ATP6V1C2: variants seen among roughly 807,000 people sequenced by gnomAD.
ATP6V1C2 encodes the protein ATPase H+ transporting V1 subunit C2, also known as V-type proton ATPase subunit C 2.
Under a neutral mutation model 56.8 loss-of-function variants are expected in ATP6V1C2, and 45 were observed. The ratio of observed to expected loss-of-function variants is 0.79; its 90% confidence interval spans 0.62 to 1.02. The LOEUF is 1.02. Ranked by LOEUF, ATP6V1C2 falls within the 50% of genes least tolerant of loss-of-function variation. ATP6V1C2 has a pLI of 0.00. For missense variants in ATP6V1C2, 463 were observed against 519.7 expected, an observed-to-expected ratio of 0.89 and a Z score of 1.06; for synonymous variants, 220 against 201.3, an observed-to-expected ratio of 1.09 and a Z score of -0.79.
chr2:10,734,344 AAC>A (rs1227454879), intron 3 of ATP6V1C2, among the ~76,000 whole-genome samples: 9 of 152,054 alleles, frequency 5.9e-5, no homozygotes, highest in African/African-American at 2.2e-4. Flanking sequence ...TACCCTCTCT[AAC>A]ACACCCGGTG....
chr2:10,755,690 A>G (rs182202628), intron 4 of ATP6V1C2, among the ~76,000 whole-genome samples: 119 of 152,288 alleles, frequency 7.8e-4, no homozygotes, highest in Admixed American at 5.6e-3. Context: ...CACCTGGGCA[A>G]TTCTGCCTCC....
Position 10,784,396 on chromosome 2 carries a change from T to A in ATP6V1C2, c.*1133T>A, listed in dbSNP as rs1324497053. 6.3e-6 allele frequency: 8 copies of A among 1,279,584 alleles called. No homozygotes were observed. The highest frequency in any genetic ancestry group is 8.9e-6 in the Non-Finnish European group (8 of 895,932). The allele number at this position is 1,279,584 out of a possible 1,614,324, so 79.3% of individuals were successfully genotyped here. On this transcript the variant is annotated 3_prime_UTR_variant, in exon 14 of 14. Transcript: ENST00000272238. Reference sequence around the variant, plus strand: ...ACCCTGGAAGGTCAACATCTCATTTTATGGAAGAGCGACTCTCTGGAGCTA... The same window carrying A: ...ACCCTGGAAGGTCAACATCTCATTTAATGGAAGAGCGACTCTCTGGAGCTA...
At chr2:10,753,829 C>A in intron 3 of ATP6V1C2, 152 bp from the exon 4 acceptor site, 1 of 648,722 alleles carries the variant, frequency 1.5e-6, no homozygotes, top group Non-Finnish European at 2.7e-6. Context: ...CCACTGTGCC[C>A]GGCCGCTATT....
chr2:10,748,230 T>C (rs1663028541), intron 3 of ATP6V1C2, among the ~76,000 whole-genome samples: 1 of 152,110 alleles, frequency 6.6e-6, no homozygotes, highest in South Asian at 2.1e-4. Flanking sequence ...TTTTTAAGTG[T>C]TTAGGTCAGT....
chr2:10,732,690 A>G (rs1447488339), intron 3 of ATP6V1C2, among the ~76,000 whole-genome samples: 1 of 152,036 alleles, frequency 6.6e-6, no homozygotes, highest in Non-Finnish European at 1.5e-5. Context: ...AAAGAAATGA[A>G]GGCCAGGCGC....
At chr2:10,728,781 A>G (rs1378565665) in intron 3 of ATP6V1C2, among the ~76,000 whole-genome samples, 1 of 151,448 alleles carries the variant, frequency 6.6e-6, no homozygotes, top group East Asian at 1.9e-4. Flanking sequence ...TCTCAAAAAA[A>G]AAAAAAAAAA....
At chr2:10,772,399 T>G in intron 7 of ATP6V1C2, 143 bp from the exon 8 acceptor site, 1 of 748,222 alleles carries the variant, frequency 1.3e-6, no homozygotes. Context: ...ACAGCAGACC[T>G]CAGGGGAGGT....
chr2:10,772,482 C>A, intron 7 of ATP6V1C2, 60 bp from the exon 8 acceptor site: 1 of 1,439,244 alleles, frequency 6.9e-7, no homozygotes, highest in Non-Finnish European at 9.8e-7. Context: ...TTCCTAGGCA[C>A]TCAGGACACC....
intron 4 of ATP6V1C2, among the ~76,000 whole-genome samples, chr2:10,758,008 TA>T (rs1663655949): frequency 6.6e-6 from 1 of 152,218 alleles, no homozygotes; most frequent in Non-Finnish European, 1.5e-5. Flanking sequence ...CAAATCATTT[TA>T]GGTTGCATAA....
intron 8 of ATP6V1C2, among the ~76,000 whole-genome samples, chr2:10,773,853 GGGCT>G (rs1331860301): frequency 6.6e-6 from 1 of 152,254 alleles, no homozygotes; most frequent in African/African-American, 2.4e-5. Context: ...GGATCTCCCA[GGGCT>G]ACGAGATGGC....
intron 12 of ATP6V1C2, 77 bp downstream of exon 12, chr2:10,778,746 C>T (rs1665159988): frequency 2.3e-6 from 3 of 1,327,688 alleles, no homozygotes; most frequent in Admixed American, 1.7e-5. Flanking sequence ...GGCACCCCAG[C>T]TCCTGCCTTC....
At position 10,721,882 on chromosome 2, in the gene ATP6V1C2, C is replaced by A. The variant is rs564810770; in HGVS notation, c.-27+151C>A. Among the ~76,000 whole-genome samples the A allele has an allele frequency of 2.6e-5, 4 of 152,306 alleles. No homozygotes were observed. In the East Asian group the frequency reaches 5.8e-4, roughly 22 times the overall value. On this transcript the variant is annotated intron_variant, in intron 1 of 13. Coordinates refer to ENST00000272238, the MANE Select transcript of ATP6V1C2 (RefSeq NM_001039362.2). ...TTCCCCGCGGCCGGGCTGGTAGCAT[C>A]TCCGCAGGTGCTGCGGCGGGCCAGT...
chr2:10,759,178 C>A (rs181694564), intron 4 of ATP6V1C2, among the ~76,000 whole-genome samples: 5 of 152,326 alleles, frequency 3.3e-5, no homozygotes, highest in Admixed American at 3.3e-4. Context: ...TCTGGAGTTT[C>A]CTTTTCTCAA....
chr2:10,783,697 G>C lies in ATP6V1C2; in HGVS notation c.*434G>C, dbSNP rs935682422. On this transcript the variant is annotated 3_prime_UTR_variant, in exon 14 of 14. Coordinates refer to ENST00000272238, the MANE Select transcript of ATP6V1C2 (RefSeq NM_001039362.2). ...AGCCCGGTTTCCATGTAAAATCTCT[G>C]TTGTGGTGGGCATAGGTGGCACCAT... 1 of 163,174 alleles carries C rather than the reference G, an allele frequency of 6.1e-6. No individual in the cohort carries two copies. The highest frequency in any genetic ancestry group is 2.4e-5 in the African/African-American group (1 of 41,516). The allele number at this position is 163,174 out of a possible 1,614,324, so 10.1% of individuals were successfully genotyped here.
At chr2:10,755,082 A>G (rs1663468862) in intron 4 of ATP6V1C2, among the ~76,000 whole-genome samples, 1 of 151,880 alleles carries the variant, frequency 6.6e-6, no homozygotes. Flanking sequence ...CAATGGCACA[A>G]TCTCGGCTCA....
chr2:10,777,478 C>G, intron 10 of ATP6V1C2, 107 bp from the exon 11 acceptor site: 2 of 1,462,582 alleles, frequency 1.4e-6, no homozygotes, highest in Non-Finnish European at 1.9e-6. Context: ...GAGGGTGGGC[C>G]TGAATTCCTG....
intron 5 of ATP6V1C2, among the ~76,000 whole-genome samples, chr2:10,765,459 G>A (rs1664164945): frequency 6.6e-6 from 1 of 152,268 alleles, no homozygotes; most frequent in African/African-American, 2.4e-5. Flanking sequence ...AGGAACAAAG[G>A]CACCCGGTTT....
At chr2:10,777,456 C>T (rs1665067680) in intron 10 of ATP6V1C2, 129 bp from the exon 11 acceptor site, 4 of 1,203,698 alleles carry the variant, frequency 3.3e-6, no homozygotes, top group Non-Finnish European at 4.7e-6. Flanking sequence ...GTCTAGCCAG[C>T]ACGCGAGTCC....
intron 1 of ATP6V1C2, among the ~76,000 whole-genome samples, chr2:10,722,251 A>T (rs2148397767): frequency 6.6e-6 from 1 of 152,058 alleles, no homozygotes; most frequent in East Asian, 1.9e-4. Context: ...CTGAGCGGGC[A>T]CCTCGCCTAG....
Sources: gnomAD v4.1 joint callset for allele counts (sites outside exome capture counted in the v4.1 genomes callset) on GRCh38, gnomAD v4.1.1 for gene constraint, MANE v1.5 for transcripts, NCBI Gene and HGNC (gene_info 2026-07-23, HGNC 2026-07-21) for gene names.